Variants in MED13 observed in about 807,000 individuals in gnomAD.
MED13 encodes mediator of RNA polymerase II transcription subunit 13.
In MED13, 23 loss-of-function variants were observed where a neutral mutation model predicts 225.2. The ratio of observed to expected loss-of-function variants is 0.10; its 90% confidence interval spans 0.07 to 0.14. MED13 has a LOEUF of 0.14. MED13 is among the 10% of genes least tolerant of loss of function. The pLI, the probability that MED13 is intolerant of heterozygous loss-of-function variation, is 1.00. For missense variants in MED13, 2,197 were observed against 2,594.5 expected (o/e 0.85, Z 3.33); for synonymous variants, 942 against 889.2 (o/e 1.06, Z -1.06).
chr17:61,988,562 A>G (rs1301023518), intron 11 of MED13, among the ~76,000 whole-genome samples: 1 of 152,210 alleles, frequency 6.6e-6, no homozygotes, highest in African/African-American at 2.4e-5. Flanking sequence ...CTTACTAAAA[A>G]CCAAGATTTT....
intron 3 of MED13, among the ~76,000 whole-genome samples, chr17:62,044,775 C>T (rs970775321): frequency 6.6e-6 from 1 of 152,186 alleles, no homozygotes; most frequent in Non-Finnish European, 1.5e-5. Flanking sequence ...GATTCTCCTG[C>T]CTCAGCCTCC....
Position 61,943,647 on chromosome 17 carries a change from T to C in MED13, c.*2821A>G, listed in dbSNP as rs939676331. The C allele has an allele frequency of 3.3e-5, 5 of 152,756 alleles. No individual in the cohort carries two copies. In the East Asian group the frequency reaches 9.6e-4, roughly 29 times the overall value. 9.5% of individuals were successfully genotyped at this position (152,756 alleles called of 1,614,324 possible). A position where few individuals can be genotyped will look rare whatever the true frequency, so the allele number is the denominator to read the frequency against. Reference sequence around the variant, plus strand: ...AAGGATTACATATAAGTACACTTGGTGGCCTTCTGGCCAAACAATAAGGTG... The same window carrying C: ...AAGGATTACATATAAGTACACTTGGCGGCCTTCTGGCCAAACAATAAGGTG... On this transcript the variant is annotated 3_prime_UTR_variant, in exon 30 of 30. Coordinates refer to ENST00000397786, the MANE Select transcript of MED13 (RefSeq NM_005121.3).
chr17:62,032,135 G>T (rs541390440), intron 5 of MED13, among the ~76,000 whole-genome samples: 1 of 151,464 alleles, frequency 6.6e-6, no homozygotes, highest in Non-Finnish European at 1.5e-5. Context: ...TATTTAAAGT[G>T]AGCACTGGTA....
At chr17:61,963,265 G>C (rs2080022774) in intron 20 of MED13, among the ~76,000 whole-genome samples, 1 of 64,840 alleles carries the variant, frequency 1.5e-5, no homozygotes. Flanking sequence ...AAACCATAGG[G>C]TAAGGGTATT....
chr17:61,989,302 G>A (rs975214534), intron 11 of MED13, among the ~76,000 whole-genome samples: 4 of 151,208 alleles, frequency 2.6e-5, no homozygotes, highest in African/African-American at 7.3e-5. Context: ...GAGCCACCAC[G>A]CCCAGCCATA....
At position 61,963,436 on chromosome 17, in the gene MED13, T is replaced by G. The variant is rs77102853; in HGVS notation, c.4845-465A>C. On this transcript the variant is annotated intron_variant, in intron 20 of 29. Transcript: ENST00000397786. Reference sequence around the variant, plus strand: ...TTTCCAGACTTATTTAATGTTCTAGTACATTTTCAGACTCTCTCTCTCTAT... The same window carrying G: ...TTTCCAGACTTATTTAATGTTCTAGGACATTTTCAGACTCTCTCTCTCTAT... Among the ~76,000 whole-genome samples the G allele has an allele frequency of 6.1e-3, 935 of 152,100 alleles. 11 individuals carry two copies. Among genetic ancestry groups the G allele is most frequent in the African/African-American group, 0.021 (863 of 41,490 alleles).
At chr17:61,977,243 GAAC>G (rs1228217307) in intron 16 of MED13, among the ~76,000 whole-genome samples, 3 of 152,214 alleles carry the variant, frequency 2.0e-5, no homozygotes, top group African/African-American at 4.8e-5. Context: ...GCAAGATGGA[GAAC>G]AAGAAGAAGG....
At chr17:62,057,765 T>C (rs920315679) in intron 2 of MED13, among the ~76,000 whole-genome samples, 1 of 152,358 alleles carries the variant, frequency 6.6e-6, no homozygotes, top group Middle Eastern at 3.4e-3. Context: ...AACATGTTAC[T>C]AAAATCTACT....
intron 9 of MED13, among the ~76,000 whole-genome samples, chr17:61,997,593 G>T (rs1342997028): frequency 1.3e-5 from 2 of 152,080 alleles, no homozygotes; most frequent in Non-Finnish European, 2.9e-5. Context: ...GAAGCAAAGG[G>T]TATTATCCCT....
chr17:62,000,111 A>C (rs1028887097), intron 9 of MED13, among the ~76,000 whole-genome samples: 31 of 152,188 alleles, frequency 2.0e-4, no homozygotes, highest in African/African-American at 7.5e-4. Flanking sequence ...AATTTCTTTC[A>C]CTAACCCACT....
rs1008500818 is a variant in MED13 at position 62,006,013 on chromosome 17, C to G, written c.1967+4537G>C. ...ATTTTAACAGAGAATAAATCTCTAA[C>G]AGTAGGAAAAATGAGAGAGAGGCTA... On this transcript the variant is annotated intron_variant, in intron 9 of 29. Coordinates refer to ENST00000397786, the MANE Select transcript of MED13 (RefSeq NM_005121.3). 3 of 152,156 alleles carry G rather than the reference C, an allele frequency of 2.0e-5. No homozygotes were observed. In the East Asian group the frequency reaches 5.8e-4, roughly 29 times the overall value. The allele number at this position is 152,156 out of a possible 1,614,324, so 9.4% of individuals were successfully genotyped here. A position where few individuals can be genotyped will look rare whatever the true frequency, so the allele number is the denominator to read the frequency against.
chr17:62,037,435 T>A (rs2080813353), intron 3 of MED13, among the ~76,000 whole-genome samples: 1 of 147,148 alleles, frequency 6.8e-6, no homozygotes, highest in South Asian at 2.2e-4. Flanking sequence ...GAGGCTGAGG[T>A]GGGTGGATCA....
chr17:61,980,144 A>G (rs58335059), intron 16 of MED13, among the ~76,000 whole-genome samples: 23,427 of 151,994 alleles, frequency 0.15, 2,123 homozygotes, highest in East Asian at 0.5. Context: ...GGCCGAGATC[A>G]CGCCACTGCA....
chr17:61,962,621 T>A, intron 21 of MED13, 131 bp downstream of exon 21: 1 of 649,432 alleles, frequency 1.5e-6, no homozygotes, highest in East Asian at 2.8e-5. Context: ...ATTATGATAT[T>A]AAAGTAAAAT....
chr17:62,064,033 G>A (rs2081062226), intron 1 of MED13, among the ~76,000 whole-genome samples: 1 of 152,156 alleles, frequency 6.6e-6, no homozygotes, highest in African/African-American at 2.4e-5. Context: ...TTCGACAAGA[G>A]GAATTCAGTA....
intron 23 of MED13, among the ~76,000 whole-genome samples, chr17:61,959,430 A>G (rs1283710111): frequency 6.6e-6 from 1 of 152,098 alleles, no homozygotes; most frequent in African/African-American, 2.4e-5. Context: ...CTCATACTTC[A>G]CAGATTAGCA....
Position 61,985,065 on chromosome 17 carries a change from C to T in MED13, c.2411G>A (p.Gly804Glu). ...CTTGCAGCTGGCTTTATCATCTGAT[C>T]CATTTGCTGATTTTTTAGATCCAGG... is the stretch of plus-strand genomic sequence containing the variant. ...LTPGSKKSAN[G>E]SDDKASCKES... Residue 804 changes from glycine to glutamate, a missense_variant, in exon 13 of 30, where the codon GGA becomes GAA. Gly to Glu is a moderately conservative substitution (Grantham distance 98, BLOSUM62 -2). Transcript: ENST00000397786. 1 of 1,613,472 alleles carries T rather than the reference C, an allele frequency of 6.2e-7. No homozygotes were observed. Among genetic ancestry groups the T allele is most frequent in the Non-Finnish European group, 8.5e-7 (1 of 1,179,850 alleles).
intron 8 of MED13, among the ~76,000 whole-genome samples, chr17:62,028,293 C>T (rs2143665402): frequency 6.6e-6 from 1 of 152,180 alleles, no homozygotes; most frequent in East Asian, 1.9e-4. Flanking sequence ...AGCACAGGAA[C>T]AGAAAGCCAA....
chr17:62,052,798 CA>C (rs1281658052), intron 2 of MED13, 93 bp from the exon 3 acceptor site: 6 of 809,714 alleles, frequency 7.4e-6, no homozygotes, highest in Non-Finnish European at 1.1e-5. Context: ...CTATATTCAT[CA>C]ACACTAGCTT....
Sources: gnomAD v4.1 joint callset for allele counts (sites outside exome capture counted in the v4.1 genomes callset) on GRCh38, gnomAD v4.1.1 for gene constraint, MANE v1.5 for transcripts, NCBI Gene and HGNC (gene_info 2026-07-23, HGNC 2026-07-21) for gene names.